Variants in PDE4C observed in about 807,000 individuals in gnomAD.
PDE4C encodes the protein phosphodiesterase 4C.
In PDE4C, 50 loss-of-function variants were observed where a neutral mutation model predicts 63.9. The observed-to-expected ratio is 0.78, with a 90% CI of 0.62 to 0.99. The LOEUF is 0.99. Ranked by LOEUF, PDE4C falls within the 50% of genes least tolerant of loss-of-function variation. The pLI is 0.00. For missense variants in PDE4C, 777 were observed against 899.1 expected, an observed-to-expected ratio of 0.86 and a Z score of 1.74; for synonymous variants, 377 against 385.1, an observed-to-expected ratio of 0.98 and a Z score of 0.25.
At position 18,241,342 on chromosome 19, in the gene PDE4C, C is replaced by G. The variant is rs868727867; in HGVS notation, c.-210+6829G>C. Among the ~76,000 whole-genome samples, 47 of 136,190 alleles carry G rather than the reference C, an allele frequency of 3.5e-4. 1 individual carries two copies. The highest frequency in any genetic ancestry group is 1.2e-3 in the African/African-American group (45 of 37,264). The allele number at this position is 136,190 out of a possible 152,430, so 89.3% of individuals were successfully genotyped here. On this transcript the variant is annotated intron_variant, in intron 1 of 15. Coordinates refer to the PDE4C transcript ENST00000594617. ...AGTGCAGTGGCGCGATCTCGGCTCA[C>G]TGCAAGCTCCGCCTCCTAGTTTCAC...
exon 1 of PDE4C, chr19:18,226,406 G>T (rs1266815253): frequency 4.2e-6 from 6 of 1,439,192 alleles, no homozygotes; most frequent in Non-Finnish European, 5.5e-6. Context: ...GGCGCGGGGG[G>T]GCCCTGCATC....
upstream of PDE4C, among the ~76,000 whole-genome samples, chr19:18,231,240 T>C (rs1331155655): frequency 6.6e-6 from 1 of 152,158 alleles, no homozygotes; most frequent in African/African-American, 2.4e-5. Flanking sequence ...CTCATCCACG[T>C]ATGTGTGACT....
intron 1 of PDE4C, among the ~76,000 whole-genome samples, chr19:18,247,712 A>T (rs1387362707): frequency 6.6e-6 from 1 of 151,838 alleles, no homozygotes; most frequent in Admixed American, 6.6e-5. Context: ...GCTGTGCCTC[A>T]TGCTGCTGGC....
rs938829380 is a variant in PDE4C, at chr19:18,216,795, G to A, written c.1335C>T (p.Phe445=). The A allele has an allele frequency of 1.9e-6, 3 of 1,613,998 alleles. No individual in the cohort carries two copies. The African/African-American group carries it at 4.0e-5, about 22-fold the overall frequency. The change falls in exon 12 of 15, where the codon TTC becomes TTT. Residue 445 remains phenylalanine, a synonymous_variant. Coordinates refer to ENST00000262805, the Ensembl canonical transcript of PDE4C. Reference sequence around the variant, plus strand: ...GTCGCTGCTTGGCGCTGAGGTTCTGGAAGATATCGCAGTTCTCTGCCTGCA... The same window carrying A: ...GTCGCTGCTTGGCGCTGAGGTTCTGAAAGATATCGCAGTTCTCTGCCTGCA...
At chr19:18,222,700 C>CTT (rs1199712120) in intron 1 of PDE4C, among the ~76,000 whole-genome samples, 663 of 53,362 alleles carry the variant, frequency 0.012, 86 homozygotes, top group African/African-American at 0.039. Flanking sequence ...CCTTTCTTTT[C>CTT]TTTTTTTTTT....
chr19:18,227,589 G>A (rs1968768216), upstream of PDE4C, among the ~76,000 whole-genome samples: 1 of 152,190 alleles, frequency 6.6e-6, no homozygotes, highest in Admixed American at 6.5e-5. Flanking sequence ...GCTGGAGTCA[G>A]GCTGGCCTTG....
intron 1 of PDE4C, among the ~76,000 whole-genome samples, chr19:18,246,225 C>T (rs1160676140): frequency 6.7e-6 from 1 of 149,626 alleles, no homozygotes; most frequent in Admixed American, 6.7e-5. Context: ...GCTCTGTCAC[C>T]CAGCCTGGAG....
chr19:18,226,652 C>G (rs776207209), upstream of PDE4C, among the ~76,000 whole-genome samples: 4 of 141,422 alleles, frequency 2.8e-5, no homozygotes, highest in Non-Finnish European at 6.0e-5. Context: ...GTTGCCCAGG[C>G]TGGAGTGCAG....
chr19:18,239,414 A>G lies in PDE4C; in HGVS notation c.-209-6014T>C, dbSNP rs563121942. ...CTTCAGCGCAACAGATCTGGGTTCA[A>G]TCCAGGCCACGTGGTCCAGGGCAAG... On this transcript the variant is annotated intron_variant, in intron 1 of 15. Coordinates refer to the PDE4C transcript ENST00000594617. Among the ~76,000 whole-genome samples, 5 of 152,328 alleles carry G rather than the reference A, an allele frequency of 3.3e-5. No individual in the cohort carries two copies. In the South Asian group the frequency reaches 6.2e-4, roughly 19 times the overall value.
At chr19:18,243,470 C>G (rs185179323) in intron 1 of PDE4C, among the ~76,000 whole-genome samples, 1 of 149,528 alleles carries the variant, frequency 6.7e-6, no homozygotes, top group African/African-American at 2.5e-5. Context: ...ACACAGTTAC[C>G]TGGGGAATGG....
chr19:18,229,364 C>T (rs550752737), upstream of PDE4C, among the ~76,000 whole-genome samples: 43 of 152,260 alleles, frequency 2.8e-4, no homozygotes, highest in Middle Eastern at 6.8e-3. Context: ...CCTCAACCTC[C>T]CAAGTAGCTG....
At chr19:18,226,343 C>A (rs1568674498) in exon 1 of PDE4C, 2 of 1,531,862 alleles carry the variant, frequency 1.3e-6, no homozygotes, top group South Asian at 1.2e-5. Context: ...CTGAAGAGCC[C>A]GGGGGAGCCG....
chr19:18,233,695 G>A (rs888887062), upstream of PDE4C: 1 of 354,886 alleles, frequency 2.8e-6, no homozygotes, highest in Non-Finnish European at 5.6e-6. Flanking sequence ...GGATGAGACA[G>A]CGAAGAGCTG....
At chr19:18,239,164 T>C (rs1969000107) in intron 1 of PDE4C, among the ~76,000 whole-genome samples, 1 of 152,120 alleles carries the variant, frequency 6.6e-6, no homozygotes, top group Non-Finnish European at 1.5e-5. Context: ...ATTATTTCCA[T>C]TTAACAAAGG....
At chr19:18,226,723 A>T (rs2148044733), upstream of PDE4C, among the ~76,000 whole-genome samples, 1 of 148,560 alleles carries the variant, frequency 6.7e-6, no homozygotes, top group African/African-American at 2.5e-5. Context: ...CTCCTACCTC[A>T]GCCTCCCAAG....
chr19:18,255,283 G>A, the PDE4C span: 1 of 399,382 alleles, frequency 2.5e-6, no homozygotes, highest in South Asian at 1.3e-4. The surrounding 1 kb of genome is among the most constrained non-coding windows in gnomAD (Gnocchi z 4.6). Context: ...AAAAGCAGAA[G>A]TGGCGGCAGC....
At chr19:18,219,705 C>T in intron 7 of PDE4C, 1 of 287,040 alleles carries the variant, frequency 3.5e-6, no homozygotes, top group Non-Finnish European at 6.5e-6. Flanking sequence ...GCACCTGTAA[C>T]CCCAGCTACT....
chr19:18,238,226 C>A (rs1398526544), upstream of PDE4C, among the ~76,000 whole-genome samples: 2 of 150,300 alleles, frequency 1.3e-5, no homozygotes, highest in African/African-American at 5.0e-5. Context: ...CCCCCTGTAT[C>A]TCTCTCTCTC....
upstream of PDE4C, chr19:18,252,604 CTT>C (rs1969243852): frequency 5.2e-6 from 2 of 382,642 alleles, no homozygotes; most frequent in African/African-American, 2.3e-5. Context: ...CTCTCTCTCT[CTT>C]TCTCTCTCTC....
Sources: allele counts gnomAD v4.1 joint callset (sites outside exome capture counted in the v4.1 genomes callset), GRCh38; gene constraint gnomAD v4.1.1; non-coding constraint Gnocchi (gnomAD v3.1); transcripts MANE v1.5; gene names NCBI Gene and HGNC (gene_info 2026-07-23, HGNC 2026-07-21).